The following FHIT variants were observed in gnomAD, a reference collection of about 807,000 sequenced individuals.
FHIT encodes fragile histidine triad diadenosine triphosphatase.
In FHIT, 19 loss-of-function variants were observed where a neutral mutation model predicts 17.9. The observed-to-expected ratio is 1.06, with a 90% confidence interval of 0.74 to 1.56. The LOEUF is 1.56. Ranked by LOEUF, FHIT falls within the 40% of genes most tolerant of loss-of-function variation. The probability of loss-of-function intolerance (pLI) is 0.00; values close to 1 mark genes in which losing one functional copy is unlikely to be tolerated. For missense variants in FHIT, 248 were observed against 189.2 expected (o/e 1.31, Z -1.82); for synonymous variants, 81 against 69.7 (o/e 1.16, Z -0.81).
chr3:61,106,253 G>A (rs559987792), intron 2 of FHIT, among the ~76,000 whole-genome samples: 3 of 152,110 alleles, frequency 2.0e-5, no homozygotes, highest in South Asian at 4.1e-4. Context: ...TGAAATGATT[G>A]CCACAATCAA....
intron 4 of FHIT, among the ~76,000 whole-genome samples, chr3:60,788,369 A>C (rs1700656031): frequency 6.6e-6 from 1 of 152,148 alleles, no homozygotes; most frequent in Admixed American, 6.5e-5. Context: ...ATGGTTCATT[A>C]TTTGCTAATT....
intron 8 of FHIT, among the ~76,000 whole-genome samples, chr3:59,771,764 A>G (rs1702084893): frequency 1.3e-5 from 2 of 152,186 alleles, no homozygotes. Flanking sequence ...TCTCGTCATA[A>G]AAAAATTTCA....
intron 5 of FHIT, among the ~76,000 whole-genome samples, chr3:60,293,629 A>G (rs1369004288): frequency 6.6e-6 from 1 of 152,042 alleles, no homozygotes; most frequent in East Asian, 1.9e-4. Flanking sequence ...GTTGGAATTG[A>G]AAATGAAACG....
At chr3:60,043,247 T>G (rs1464703938) in intron 5 of FHIT, among the ~76,000 whole-genome samples, 1 of 152,252 alleles carries the variant, frequency 6.6e-6, no homozygotes, top group Non-Finnish European at 1.5e-5. Context: ...CAGTCTGCTT[T>G]TGCCAATTCT....
At chr3:60,537,107 C>T (rs1451013915) in intron 4 of FHIT, 128 bp from the exon 5 acceptor site, 4 of 721,998 alleles carry the variant, frequency 5.5e-6, no homozygotes, top group African/African-American at 5.5e-5. Flanking sequence ...GAAATTGTTC[C>T]TCATTGAATG....
chr3:59,862,573 C>A (rs1049250163), intron 8 of FHIT, among the ~76,000 whole-genome samples: 1 of 152,312 alleles, frequency 6.6e-6, no homozygotes, highest in East Asian at 1.9e-4. Context: ...GAATGTTTCA[C>A]AGGTCCCCAT....
chr3:60,814,998 CAATGAGCA>C (rs1159832398), intron 4 of FHIT, among the ~76,000 whole-genome samples: 5 of 150,536 alleles, frequency 3.3e-5, no homozygotes, highest in Non-Finnish European at 7.4e-5. Context: ...TGATTAGGGA[CAATGAGCA>C]TTTTTTCATG....
At chr3:60,927,311 C>T (rs1707679916) in intron 3 of FHIT, among the ~76,000 whole-genome samples, 1 of 152,228 alleles carries the variant, frequency 6.6e-6, no homozygotes. Flanking sequence ...CTCAATGTTG[C>T]CCAGGCTGGA....
intron 1 of FHIT, among the ~76,000 whole-genome samples, chr3:61,205,637 T>A (rs1470198142): frequency 6.6e-6 from 1 of 152,228 alleles, no homozygotes; most frequent in South Asian, 2.1e-4. Context: ...GAAGTGTCTG[T>A]TCTTATCCTT....
At chr3:59,966,729 T>C (rs1296963970) in intron 7 of FHIT, among the ~76,000 whole-genome samples, 3 of 152,130 alleles carry the variant, frequency 2.0e-5, no homozygotes, top group Non-Finnish European at 4.4e-5. Context: ...TGGAGCTTGT[T>C]GGATTGGAAG....
At chr3:60,615,118 A>G (rs1191209764) in intron 4 of FHIT, among the ~76,000 whole-genome samples, 2 of 152,070 alleles carry the variant, frequency 1.3e-5, no homozygotes, top group South Asian at 2.1e-4. Flanking sequence ...AAAATTTCTT[A>G]TATCAAATGA....
At chr3:60,276,720 G>A (rs944679561) in intron 5 of FHIT, among the ~76,000 whole-genome samples, 22 of 152,144 alleles carry the variant, frequency 1.4e-4, no homozygotes, top group South Asian at 2.1e-4. Context: ...CATAACACTA[G>A]CATCTGTTTG....
intron 2 of FHIT, among the ~76,000 whole-genome samples, chr3:61,102,935 C>T (rs2035878497): frequency 6.6e-6 from 1 of 151,962 alleles, no homozygotes; most frequent in African/African-American, 2.4e-5. Context: ...CTATTTGATT[C>T]TCCTCTCTTT....
intron 5 of FHIT, among the ~76,000 whole-genome samples, chr3:60,350,589 A>G (rs1443948760): frequency 6.6e-6 from 1 of 152,142 alleles, no homozygotes; most frequent in Non-Finnish European, 1.5e-5. Flanking sequence ...AGCTAAAAAC[A>G]AGTAAGAGGT....
intron 5 of FHIT, among the ~76,000 whole-genome samples, chr3:60,073,332 C>G (rs141170307): frequency 6.6e-6 from 1 of 152,038 alleles, no homozygotes; most frequent in Non-Finnish European, 1.5e-5. Context: ...GATTGCCTTA[C>G]TCACTCACCT....
chr3:60,685,422 C>T (rs1027817845), intron 4 of FHIT, among the ~76,000 whole-genome samples: 5 of 152,028 alleles, frequency 3.3e-5, no homozygotes, highest in Non-Finnish European at 7.4e-5. Context: ...CTAAAATGGA[C>T]GGGAGAAAGA....
chr3:60,159,310 AG>A (rs1700838781), intron 5 of FHIT, among the ~76,000 whole-genome samples: 1 of 152,018 alleles, frequency 6.6e-6, no homozygotes, highest in Non-Finnish European at 1.5e-5. Context: ...TAGCAGAGAC[AG>A]GGTTTTGCCA....
At chr3:59,807,674 G>T (rs113592776) in intron 8 of FHIT, among the ~76,000 whole-genome samples, 2 of 152,108 alleles carry the variant, frequency 1.3e-5, no homozygotes, top group Non-Finnish European at 2.9e-5. Context: ...TGAGAAAAGG[G>T]GATATATCCA....
Position 59,839,531 on chromosome 3 carries a change from T to C in FHIT, c.348+82815A>G, listed in dbSNP as rs534982294. 4.6e-5 allele frequency among the ~76,000 whole-genome samples: 7 copies of C among 152,246 alleles called. 1 individual carries two copies. Among genetic ancestry groups the C allele is most frequent in the African/African-American group, 1.7e-4 (7 of 41,548 alleles). ...TACCCGGTAAGTACTTAAATACTTGTTGATGAAGCAGCTCTGCCTTACTGC... is the reference window on the plus strand; with the variant it reads ...TACCCGGTAAGTACTTAAATACTTGCTGATGAAGCAGCTCTGCCTTACTGC... On this transcript the variant is annotated intron_variant, in intron 8 of 9. Coordinates refer to ENST00000492590, the MANE Select transcript of FHIT (RefSeq NM_002012.4).
Sources: allele counts gnomAD v4.1 joint callset (sites outside exome capture counted in the v4.1 genomes callset), GRCh38; gene constraint gnomAD v4.1.1; transcripts MANE v1.5; gene names NCBI Gene and HGNC (gene_info 2026-07-23, HGNC 2026-07-21).